Variants in ANKRD36C observed in about 807,000 individuals in gnomAD.
The protein encoded by ANKRD36C is ankyrin repeat domain 36C, also known as ankyrin repeat domain-containing protein 36C.
ANKRD36C carries 61 observed loss-of-function variants against 276.4 expected under a neutral mutation model. That is an observed-to-expected ratio of 0.22 (90% confidence interval 0.18 to 0.27). The LOEUF is 0.27. ANKRD36C is among the 10% of genes least tolerant of loss of function. The probability of loss-of-function intolerance (pLI) is 1.00; values close to 1 mark genes in which losing one functional copy is unlikely to be tolerated. For synonymous variants in ANKRD36C, 483 were observed against 680.1 expected (o/e 0.71, Z 4.51); for missense variants, 1,447 against 2,032.3 (o/e 0.71, Z 5.54).
At chr2:95,957,250 G>T (rs75932730) in intron 12 of ANKRD36C, among the ~76,000 whole-genome samples, 2,938 of 123,024 alleles carry the variant, frequency 0.024, no homozygotes, top group South Asian at 0.042. Flanking sequence ...GAAGGTGAAA[G>T]TTGAAGTGAG....
In ANKRD36C at chr2:95,919,503, C is replaced by T. The variant is rs1441254690; in HGVS notation, c.2246-1461G>A. 3.0e-5 allele frequency among the ~76,000 whole-genome samples: 4 copies of T among 132,790 alleles called. 1 individual carries two copies. The highest frequency in any genetic ancestry group is 5.2e-5 in the African/African-American group (2 of 38,618). 87.1% of individuals were successfully genotyped at this position (132,790 alleles called of 152,430 possible). On this transcript the variant is annotated intron_variant, in intron 34 of 66. Transcript: ENST00000456556. ...TGAACTGCTCTCCCTATTTCTTCTT[C>T]CCAATTTCAATGTGGGAAAGTGTAT...
intron 44 of ANKRD36C, among the ~76,000 whole-genome samples, chr2:95,892,638 C>T (rs1676407499): frequency 1.3e-5 from 2 of 151,526 alleles, no homozygotes; most frequent in Non-Finnish European, 1.5e-5. Context: ...ATTCAGAAAT[C>T]ACTGCAATAT....
chr2:95,981,951 ACAC>A (rs1263585405), intron 4 of ANKRD36C, among the ~76,000 whole-genome samples: 3 of 152,344 alleles, frequency 2.0e-5, no homozygotes, highest in Admixed American at 1.3e-4. Context: ...ATTGTAAATA[ACAC>A]CACATCATAC....
intron 58 of ANKRD36C, among the ~76,000 whole-genome samples, chr2:95,879,374 G>T (rs74835116): frequency 0.058 from 8,722 of 151,530 alleles, 497 homozygotes; most frequent in African/African-American, 0.14. Context: ...TGAATAAAAT[G>T]TAGCATTTTA....
At chr2:95,964,009 ATATATGTGTGTG>A (rs1255643398) in intron 6 of ANKRD36C, among the ~76,000 whole-genome samples, 237 of 20,328 alleles carry the variant, frequency 0.012, 2 homozygotes, top group East Asian at 0.074. Context: ...ATATATATAT[ATATATGTGTGTG>A]TGTGTCATGA....
At chr2:95,935,989 A>G (rs1225791639) in intron 22 of ANKRD36C, among the ~76,000 whole-genome samples, 1 of 152,298 alleles carries the variant, frequency 6.6e-6, no homozygotes, top group African/African-American at 2.4e-5. Flanking sequence ...TTCTGCTTGC[A>G]GGATGTATTC....
chr2:95,865,939 C>T (rs62156931), intron 60 of ANKRD36C, among the ~76,000 whole-genome samples: 402 of 113,992 alleles, frequency 3.5e-3, no homozygotes, highest in East Asian at 0.012. Flanking sequence ...TTGGGGAGCA[C>T]CTGCAAATTA....
chr2:95,986,807 T>C, exon 3 of ANKRD36C: 1 of 1,612,006 alleles, frequency 6.2e-7, no homozygotes, highest in Non-Finnish European at 8.5e-7. Flanking sequence ...ATCATGGATG[T>C]ATCTTCATTA....
chr2:95,954,004 T>A (rs1279006305), exon 14 of ANKRD36C: 3 of 1,530,234 alleles, frequency 2.0e-6, no homozygotes, highest in African/African-American at 1.4e-5. Context: ...CTGTAGAGAC[T>A]CCTACAGAGC....
At chr2:95,855,564 T>G in exon 63 of ANKRD36C, 1 of 1,611,266 alleles carries the variant, frequency 6.2e-7, no homozygotes, top group South Asian at 1.1e-5. Context: ...TCCACTTTTG[T>G]ACATTTTTTC....
chr2:95,969,914 GAT>G (rs561824222), intron 6 of ANKRD36C, among the ~76,000 whole-genome samples: 14 of 151,226 alleles, frequency 9.3e-5, no homozygotes, highest in African/African-American at 2.2e-4. Flanking sequence ...TTTTATTATA[GAT>G]ATATATATAT....
intron 59 of ANKRD36C, chr2:95,875,916 T>C (rs2104309177): frequency 2.6e-6 from 1 of 391,264 alleles, no homozygotes; most frequent in African/African-American, 2.1e-5. Context: ...GGTATAATTC[T>C]CTTGATAGCC....
At chr2:95,886,943 T>A (rs1376265840) in intron 50 of ANKRD36C, among the ~76,000 whole-genome samples, 1 of 151,746 alleles carries the variant, frequency 6.6e-6, no homozygotes, top group Non-Finnish European at 1.5e-5. Flanking sequence ...GCATCATCAA[T>A]TATCAATTTT....
intron 24 of ANKRD36C, among the ~76,000 whole-genome samples, chr2:95,931,275 T>C (rs1163208872): frequency 1.3e-4 from 20 of 151,164 alleles, no homozygotes; most frequent in African/African-American, 3.9e-4. Context: ...CTCTCTCCCA[T>C]AGACACTCTT....
intron 30 of ANKRD36C, among the ~76,000 whole-genome samples, chr2:95,924,744 G>A (rs1239001397): frequency 6.6e-6 from 1 of 151,584 alleles, no homozygotes; most frequent in African/African-American, 2.4e-5. Flanking sequence ...CCTGATTCCG[G>A]TAGTCATCGG....
chr2:95,911,484 G>C (rs769913443), intron 42 of ANKRD36C, among the ~76,000 whole-genome samples: 6 of 151,412 alleles, frequency 4.0e-5, no homozygotes, highest in Non-Finnish European at 8.9e-5. Context: ...TATCCAAGAG[G>C]TGGCTCCTTG....
intron 42 of ANKRD36C, among the ~76,000 whole-genome samples, chr2:95,907,791 T>C (rs1466635010): frequency 6.7e-6 from 1 of 150,044 alleles, no homozygotes; most frequent in East Asian, 2.0e-4. Context: ...TTATCTCATT[T>C]TTATAACTAA....
chr2:95,964,670 C>G (rs1041777891), intron 6 of ANKRD36C, among the ~76,000 whole-genome samples: 3 of 152,086 alleles, frequency 2.0e-5, no homozygotes, highest in Non-Finnish European at 4.4e-5. Context: ...CACAGCTGTT[C>G]TTCACTCACA....
chr2:95,854,388 T>TG (rs1675361317), intron 63 of ANKRD36C, among the ~76,000 whole-genome samples: 1 of 151,720 alleles, frequency 6.6e-6, no homozygotes, highest in Non-Finnish European at 1.5e-5. Flanking sequence ...CTCTCCTCCG[T>TG]ACTCACTCCA....
Sources: gnomAD v4.1 joint callset for allele counts (sites outside exome capture counted in the v4.1 genomes callset) on GRCh38, gnomAD v4.1.1 for gene constraint, MANE v1.5 for transcripts, NCBI Gene and HGNC (gene_info 2026-07-23, HGNC 2026-07-21) for gene names.